Variants in DNAH6 observed in about 807,000 individuals in gnomAD.
DNAH6 encodes axonemal beta dynein heavy chain 6.
DNAH6 carries 340 observed loss-of-function variants against 491.4 expected under a neutral mutation model. The ratio of observed to expected loss-of-function variants is 0.69; its 90% CI spans 0.63 to 0.76. The LOEUF is 0.76. Among genes scored for constraint, DNAH6 ranks in the 30% least tolerant of loss-of-function variants. DNAH6 has a pLI of 0.00. For synonymous variants in DNAH6, 1,603 were observed against 1,686.1 expected, an observed-to-expected ratio of 0.95 and a Z score of 1.21; for missense variants, 4,443 against 4,972.2, an observed-to-expected ratio of 0.89 and a Z score of 3.20.
At chr2:84,498,748 A>T in the DNAH6 span, among the ~76,000 whole-genome samples, 1 of 152,056 alleles carries the variant, frequency 6.6e-6, no homozygotes, top group African/African-American at 2.4e-5. Flanking sequence ...CCACAGCCTC[A>T]GACATGGGGT....
intron 26 of DNAH6, among the ~76,000 whole-genome samples, chr2:84,623,197 G>C (rs1291279318): frequency 6.6e-6 from 1 of 152,082 alleles, no homozygotes; most frequent in East Asian, 1.9e-4. Flanking sequence ...TGATTTCTTG[G>C]ATATAACACC....
chr2:84,672,993 A>G (rs1448633601), intron 40 of DNAH6, among the ~76,000 whole-genome samples: 1 of 152,130 alleles, frequency 6.6e-6, no homozygotes, highest in Admixed American at 6.6e-5. Context: ...TGAACAAGTG[A>G]AACAGTCCCT....
rs1239813760 is a variant in DNAH6 at position 84,722,717 on chromosome 2, C to T, written c.9885C>T (p.Ala3295=). 1 of 1,548,496 alleles carries T rather than the reference C, an allele frequency of 6.5e-7. No homozygotes were observed. The highest frequency in any genetic ancestry group is 8.7e-7 in the Non-Finnish European group (1 of 1,145,706). Residue 3295 remains alanine (A), a synonymous_variant, in exon 60 of 77, where the codon GCC becomes GCT. Transcript: ENST00000389394. ...CTCGTGAGAAGTATCGTCCAGTGGCCACTCAAGGCTCTGTAATGTACTTTG... is the reference window on the plus strand; with the variant it reads ...CTCGTGAGAAGTATCGTCCAGTGGCTACTCAAGGCTCTGTAATGTACTTTG... ...NVAREKYRPV[A]TQGSVMYFVI... is the part of the protein sequence containing the mutation.
chr2:84,689,826 G>A (rs1013261601), intron 45 of DNAH6, among the ~76,000 whole-genome samples: 5 of 152,138 alleles, frequency 3.3e-5, no homozygotes, highest in African/African-American at 1.2e-4. Context: ...AGTGGCAGGT[G>A]GGGATCACAG....
At chr2:84,729,836 T>G (rs969674244) in intron 61 of DNAH6, among the ~76,000 whole-genome samples, 1 of 152,212 alleles carries the variant, frequency 6.6e-6, no homozygotes, top group African/African-American at 2.4e-5. Flanking sequence ...ACACTAGTAT[T>G]TTCTATTTTT....
intron 2 of DNAH6, among the ~76,000 whole-genome samples, chr2:84,521,496 T>A (rs571381082): frequency 1.3e-4 from 20 of 152,286 alleles, no homozygotes; most frequent in African/African-American, 4.6e-4. Context: ...ATTTGTCAAT[T>A]TTTGATTTTG....
At chr2:84,755,172 C>T (rs1673878600) in intron 63 of DNAH6, among the ~76,000 whole-genome samples, 1 of 152,170 alleles carries the variant, frequency 6.6e-6, no homozygotes, top group Admixed American at 6.5e-5. Context: ...ACTCTGAGCT[C>T]ATGAATGGGT....
intron 64 of DNAH6, among the ~76,000 whole-genome samples, chr2:84,775,544 C>T (rs968927135): frequency 6.6e-6 from 1 of 152,074 alleles, no homozygotes; most frequent in Non-Finnish European, 1.5e-5. Context: ...AGAGAGGAGT[C>T]CTTCCTTTTT....
chr2:84,671,650 C>T (rs988257284), intron 39 of DNAH6, among the ~76,000 whole-genome samples: 7 of 152,188 alleles, frequency 4.6e-5, no homozygotes, highest in African/African-American at 1.7e-4. Context: ...TACCCCCCAC[C>T]CCTTCCTGCT....
At chr2:84,558,009 T>G in intron 11 of DNAH6, 74 bp downstream of exon 11, 1 of 1,009,238 alleles carries the variant, frequency 9.9e-7, no homozygotes, top group Non-Finnish European at 1.4e-6. Flanking sequence ...ATATTTTTTC[T>G]TTCTTATCTT....
chr2:84,666,310 T>A (rs1692120118), intron 37 of DNAH6, among the ~76,000 whole-genome samples: 2 of 152,142 alleles, frequency 1.3e-5, no homozygotes, highest in South Asian at 4.1e-4. Context: ...GGAAGTCAAA[T>A]TGTCCCTGTT....
Position 84,604,494 on chromosome 2 carries a change from C to A in DNAH6, c.3024C>A (p.Ile1008=). The A allele has an allele frequency of 6.4e-7, 1 of 1,551,658 alleles. No individual in the cohort carries two copies. The highest frequency in any genetic ancestry group is 8.7e-7 in the Non-Finnish European group (1 of 1,146,984). The part of the protein sequence containing the change: ...QLHVFDFGQE[I]QDISGQASGE... The stretch of plus-strand genomic sequence containing the variant: ...ATGTTTTTGACTTTGGTCAAGAAAT[C>A]CAGGACATATCTGGACAGGCTTCTG... The change falls in exon 19 of 77, where the codon ATC becomes ATA. Residue 1008 remains isoleucine (I), a synonymous_variant. Transcript: ENST00000389394.
chr2:84,613,335 G>A (rs765097869), intron 22 of DNAH6, among the ~76,000 whole-genome samples: 1 of 152,136 alleles, frequency 6.6e-6, no homozygotes, highest in African/African-American at 2.4e-5. Flanking sequence ...TTGCAAGGAA[G>A]CCAATGCGAG....
At chr2:84,652,960 A>C (rs1466880642) in intron 33 of DNAH6, among the ~76,000 whole-genome samples, 3 of 151,902 alleles carry the variant, frequency 2.0e-5, no homozygotes, top group African/African-American at 7.2e-5. Flanking sequence ...TTTTTAAGTG[A>C]GATATTTTAT....
intron 2 of DNAH6, among the ~76,000 whole-genome samples, chr2:84,519,412 TAAC>T (rs1016668743): frequency 2.0e-4 from 31 of 151,998 alleles, no homozygotes; most frequent in African/African-American, 7.0e-4. Context: ...TATTAAAAAA[TAAC>T]AAGGAAAAAA....
chr2:84,559,502 A>T (rs1680430545), intron 11 of DNAH6, among the ~76,000 whole-genome samples: 2 of 152,180 alleles, frequency 1.3e-5, no homozygotes, highest in African/African-American at 2.4e-5. Context: ...AGCCAAGATC[A>T]TGCCACTGCA....
the DNAH6 span, among the ~76,000 whole-genome samples, chr2:84,468,251 C>A: frequency 6.6e-6 from 1 of 152,154 alleles, no homozygotes; most frequent in African/African-American, 2.4e-5. Context: ...ACACACAACA[C>A]ATATATAGCT....
chr2:84,481,160 A>G, the DNAH6 span, among the ~76,000 whole-genome samples: 1 of 152,158 alleles, frequency 6.6e-6, no homozygotes, highest in African/African-American at 2.4e-5. Context: ...AGTGGGCAGC[A>G]GACATGCCAG....
chr2:84,486,158 A>G, the DNAH6 span, among the ~76,000 whole-genome samples: 1 of 152,134 alleles, frequency 6.6e-6, no homozygotes, highest in African/African-American at 2.4e-5. Flanking sequence ...CTTCAGCTCA[A>G]ACTCCCTTTC....
Sources: gnomAD v4.1 joint callset for allele counts (sites outside exome capture counted in the v4.1 genomes callset) on GRCh38, gnomAD v4.1.1 for gene constraint, MANE v1.5 for transcripts, NCBI Gene and HGNC (gene_info 2026-07-23, HGNC 2026-07-21) for gene names.